Variants in PCDHGA2 observed in about 807,000 individuals in gnomAD.
The protein encoded by PCDHGA2 is protocadherin gamma subfamily A, 2, also known as protocadherin gamma-A2.
PCDHGA2 carries 40 observed loss-of-function variants against 59.2 expected under a neutral mutation model. The observed-to-expected ratio is 0.68, with a 90% CI of 0.52 to 0.88. The LOEUF (loss-of-function observed/expected upper bound fraction) is 0.88, where lower values mean the gene tolerates loss of function less well. PCDHGA2 is among the 40% of genes least tolerant of loss of function. PCDHGA2 has a pLI of 0.00. For synonymous variants in PCDHGA2, 560 were observed against 526.0 expected (o/e 1.06, Z -0.89); for missense variants, 1,226 against 1,204.0 (o/e 1.02, Z -0.27).
At chr5:141,450,006 C>CTTTTTTT (rs1554136305) in intron 1 of PCDHGA2, among the ~76,000 whole-genome samples, 1 of 132,982 alleles carries the variant, frequency 7.5e-6, no homozygotes, top group Admixed American at 7.8e-5. Context: ...TGCCATGTCT[C>CTTTTTTT]TTTTTTTTTT....
chr5:141,423,177 C>G (rs748689237), intron 1 of PCDHGA2: 7 of 1,613,430 alleles, frequency 4.3e-6, no homozygotes, highest in Non-Finnish European at 5.1e-6. Context: ...TCCAGGACCA[C>G]GGCCAGCCCC....
chr5:141,490,936 C>T lies in PCDHGA2; in HGVS notation c.2425-3871C>T. 6.2e-7 allele frequency: 1 copy of T among 1,613,694 alleles called. No individual in the cohort carries two copies. On this transcript the variant is annotated intron_variant, in intron 1 of 3. Transcript: ENST00000394576. The surrounding 1 kb of genome is among the most constrained non-coding windows in gnomAD (Gnocchi z 5.4). ...GAATGATAATGCCCCAGCTGTGCTG[C>T]ACCCACGGCCAGACTGGGAACACTC...
intron 1 of PCDHGA2, chr5:141,414,828 G>A (rs780047810): frequency 1.4e-5 from 22 of 1,614,092 alleles, no homozygotes; most frequent in Non-Finnish European, 1.8e-5. Flanking sequence ...GCAACGTGTC[G>A]TTGAGCCTGT....
chr5:141,355,197 T>G (rs1759751524), intron 1 of PCDHGA2: 1 of 1,596,530 alleles, frequency 6.3e-7, no homozygotes, highest in African/African-American at 1.3e-5. Context: ...GCGGCGGGGT[T>G]GTAATGGCGG....
rs186028114 is a variant in PCDHGA2, at chr5:141,387,416, T to C, written c.2424+46021T>C. ...ATGTTTGAAGATTGGGGAAAGCTTA[T>C]GTCAATAAATGTTTATGTACTTAAT... On this transcript the variant is annotated intron_variant, in intron 1 of 3. Coordinates refer to ENST00000394576, the MANE Select transcript of PCDHGA2 (RefSeq NM_018915.4). 6.8e-4 allele frequency among the ~76,000 whole-genome samples: 103 copies of C among 152,364 alleles called. 1 individual carries two copies. The highest frequency in any genetic ancestry group is 3.4e-3 in the Middle Eastern group (1 of 294).
rs1756795539 is a variant in PCDHGA2 at position 141,338,978 on chromosome 5, G to A, written c.7G>A (p.Ala3Thr). 2 of 1,532,476 alleles carry A rather than the reference G, an allele frequency of 1.3e-6. No homozygotes were observed. Among genetic ancestry groups the A allele is most frequent in the Admixed American group, 2.2e-5 (1 of 46,372 alleles). The allele number at this position is 1,532,476 out of a possible 1,614,324, so 94.9% of individuals were successfully genotyped here. The change falls in exon 1 of 4, where the codon GCT (alanine) becomes ACT (threonine). Residue 3 changes from alanine (A) to threonine (T), a missense_variant. Transcript: ENST00000394576. The stretch of plus-strand genomic sequence containing the variant: ...AAATTGCGACAGGAGGGAAATGGCG[G>A]CTCTGCAAAAGTTGCCACACTGCAG... The part of the protein sequence containing the change: MA[A>T]LQKLPHCRKL...
chr5:141,369,665 A>T (rs1322092427), intron 1 of PCDHGA2, among the ~76,000 whole-genome samples: 1 of 152,242 alleles, frequency 6.6e-6, no homozygotes, highest in Non-Finnish European at 1.5e-5. Context: ...AAGATAAAAG[A>T]GAAGAAAGTG....
In PCDHGA2 at chr5:141,422,867, T is replaced by C. The variant is rs116031289; in HGVS notation, c.2425-71940T>C. On this transcript the variant is annotated intron_variant, in intron 1 of 3. Coordinates refer to ENST00000394576, the MANE Select transcript of PCDHGA2 (RefSeq NM_018915.4). Reference sequence around the variant, plus strand: ...GGGGACCCGCCCCTCAGCAGCAACGTGTCGCTGAGCCTGTTCGTGCTGGAC... The same window carrying C: ...GGGGACCCGCCCCTCAGCAGCAACGCGTCGCTGAGCCTGTTCGTGCTGGAC... 1.5e-3 allele frequency: 2,464 copies of C among 1,614,218 alleles called. 37 individuals are homozygous for C. In the African/African-American group the frequency reaches 0.029, roughly 19 times the overall value.
intron 1 of PCDHGA2, among the ~76,000 whole-genome samples, chr5:141,435,605 C>T (rs776926758): frequency 1.1e-4 from 17 of 152,134 alleles, no homozygotes; most frequent in Non-Finnish European, 1.9e-4. Flanking sequence ...CTGCTTTTTA[C>T]ATTAAATTCC....
intron 1 of PCDHGA2, chr5:141,345,442 CCAT>C (rs746288391): frequency 8.7e-6 from 14 of 1,614,016 alleles, no homozygotes; most frequent in East Asian, 2.2e-5. Flanking sequence ...AGAGGAGCCT[CCAT>C]CTTCTCAGTG....
chr5:141,415,411 G>A (rs754595054), intron 1 of PCDHGA2: 45 of 1,614,112 alleles, frequency 2.8e-5, no homozygotes, highest in Non-Finnish European at 3.6e-5. Context: ...GCACTTTGTG[G>A]GCGTGGACGG....
Position 141,432,211 on chromosome 5 carries a change from C to A in PCDHGA2, c.2425-62596C>A, listed in dbSNP as rs1390215329. On this transcript the variant is annotated intron_variant, in intron 1 of 3. Coordinates refer to ENST00000394576, the MANE Select transcript of PCDHGA2 (RefSeq NM_018915.4). The surrounding 1 kb of genome is among the most constrained non-coding windows in gnomAD (Gnocchi z 6.0). The stretch of plus-strand genomic sequence containing the variant: ...CCCACGACCCCGACTGTGAAGAGAA[C>A]GCCCAGATCACTTATTCCCTGGCTG... 1 of 1,614,232 alleles carries A rather than the reference C, an allele frequency of 6.2e-7. No individual in the cohort carries two copies. Among genetic ancestry groups the A allele is most frequent in the Admixed American group, 1.7e-5 (1 of 60,032 alleles).
chr5:141,475,106 G>T (rs1182368610), intron 1 of PCDHGA2, among the ~76,000 whole-genome samples: 6 of 152,220 alleles, frequency 3.9e-5, no homozygotes, highest in Admixed American at 2.0e-4. Context: ...ATCCTAGGTG[G>T]TAAATAGGCC....
chr5:141,351,017 C>A, intron 1 of PCDHGA2: 1 of 1,614,048 alleles, frequency 6.2e-7, no homozygotes, highest in East Asian at 2.2e-5. Context: ...AGAAAACGTA[C>A]CGTGGGGAAC....
chr5:141,352,802 C>G, intron 1 of PCDHGA2: 1 of 903,782 alleles, frequency 1.1e-6, no homozygotes, highest in Non-Finnish European at 1.6e-6. Flanking sequence ...CCAGCATAGC[C>G]AAGATGGTAA....
At chr5:141,404,602 G>C (rs749746083) in intron 1 of PCDHGA2, 2 of 1,614,076 alleles carry the variant, frequency 1.2e-6, no homozygotes, top group Admixed American at 1.7e-5. Flanking sequence ...CATTGAGACT[G>C]TTTGTTTTGG....
intron 1 of PCDHGA2, chr5:141,384,125 A>T (rs376990785): frequency 1.2e-6 from 2 of 1,610,814 alleles, no homozygotes; most frequent in Non-Finnish European, 1.7e-6. Flanking sequence ...ACAACCAAAA[A>T]CTTGGACCGG....
chr5:141,383,235 T>C (rs1205858909), intron 1 of PCDHGA2: 2 of 1,613,838 alleles, frequency 1.2e-6, no homozygotes, highest in Admixed American at 3.3e-5. Flanking sequence ...TGATGGAAGA[T>C]AAAATGAATC....
At chr5:141,399,808 C>A in intron 1 of PCDHGA2, 1 of 1,613,208 alleles carries the variant, frequency 6.2e-7, no homozygotes, top group Non-Finnish European at 8.5e-7. Flanking sequence ...GGTGCTGTAC[C>A]CCGCGCTGGG....
Sources: gnomAD v4.1 joint callset for allele counts (sites outside exome capture counted in the v4.1 genomes callset) on GRCh38, gnomAD v4.1.1 for gene constraint, Gnocchi (gnomAD v3.1) non-coding constraint, MANE v1.5 for transcripts, NCBI Gene and HGNC (gene_info 2026-07-23, HGNC 2026-07-21) for gene names.